The following RAPGEF5 variants were observed in gnomAD, a reference collection of about 807,000 sequenced individuals.
The protein encoded by RAPGEF5 is M-Ras-regulated GEF.
Under a neutral mutation model 125.2 loss-of-function variants are expected in RAPGEF5, and 65 were observed. That is an observed-to-expected ratio of 0.52 (90% confidence interval 0.43 to 0.64). RAPGEF5 has a LOEUF of 0.64. Among genes scored for constraint, RAPGEF5 ranks in the 30% least tolerant of loss-of-function variants. The pLI is 0.00. For missense variants in RAPGEF5, 958 were observed against 1,048.1 expected (o/e 0.91, Z 1.19); for synonymous variants, 391 against 385.9 (o/e 1.01, Z -0.16).
At chr7:22,354,932 A>G (rs945523094) in intron 1 of RAPGEF5, among the ~76,000 whole-genome samples, 29 of 152,178 alleles carry the variant, frequency 1.9e-4, no homozygotes, top group African/African-American at 7.0e-4. Context: ...ACAAGTTCAT[A>G]TTTCACTTGT....
chr7:22,178,342 T>G (rs1232762291), intron 11 of RAPGEF5, among the ~76,000 whole-genome samples: 1 of 152,180 alleles, frequency 6.6e-6, no homozygotes, highest in Non-Finnish European at 1.5e-5. Flanking sequence ...CAACTGAGTT[T>G]CCTATAATTC....
At chr7:22,190,862 G>A (rs909792302) in intron 11 of RAPGEF5, among the ~76,000 whole-genome samples, 8 of 152,102 alleles carry the variant, frequency 5.3e-5, no homozygotes, top group African/African-American at 1.7e-4. Context: ...TTTCTCCCAT[G>A]GACCCTCTCC....
chr7:22,272,349 A>AC (rs1417911418), intron 6 of RAPGEF5, among the ~76,000 whole-genome samples: 3 of 144,420 alleles, frequency 2.1e-5, no homozygotes, highest in Non-Finnish European at 3.1e-5. Flanking sequence ...TCTCAAAAAA[A>AC]AAAAAAAAAA....
chr7:22,184,191 T>C (rs1267192056), intron 11 of RAPGEF5, among the ~76,000 whole-genome samples: 3 of 152,206 alleles, frequency 2.0e-5, no homozygotes, highest in Non-Finnish European at 4.4e-5. Context: ...TAAATAAATA[T>C]ACATATACAT....
intron 9 of RAPGEF5, among the ~76,000 whole-genome samples, chr7:22,215,939 T>G: frequency 6.6e-6 from 1 of 152,218 alleles, no homozygotes; most frequent in Non-Finnish European, 1.5e-5. Flanking sequence ...GGAAATGGCT[T>G]ACATAGCTTT....
At chr7:22,316,810 A>T (rs1783609512) in intron 2 of RAPGEF5, among the ~76,000 whole-genome samples, 1 of 151,784 alleles carries the variant, frequency 6.6e-6, no homozygotes, top group African/African-American at 2.4e-5. Flanking sequence ...AAAATTTGAC[A>T]TCTTCTCTCA....
intron 7 of RAPGEF5, among the ~76,000 whole-genome samples, chr7:22,235,517 T>C (rs761436144): frequency 2.0e-5 from 3 of 152,182 alleles, no homozygotes; most frequent in Admixed American, 6.5e-5. Context: ...ATAGGAAGAA[T>C]AGAAAAATAA....
intron 1 of RAPGEF5, among the ~76,000 whole-genome samples, chr7:22,327,669 T>C (rs1783839935): frequency 6.6e-6 from 1 of 152,254 alleles, no homozygotes; most frequent in Non-Finnish European, 1.5e-5. Flanking sequence ...GACAAGTTAT[T>C]TAACTTCTTT....
rs748331370 is a variant in RAPGEF5, at chr7:22,167,113, C to T, written c.1240G>A (p.Val414Ile). 1 of 1,612,304 alleles carries T rather than the reference C, an allele frequency of 6.2e-7. No homozygotes were observed. Among genetic ancestry groups the T allele is most frequent in the Non-Finnish European group, 8.5e-7 (1 of 1,179,270 alleles). Reference sequence around the variant, plus strand: ...CACAAGTCATCAGTTGTCATGAAGACAGTGTACGTGAGAAGGAAGTCATCC... The same window carrying T: ...CACAAGTCATCAGTTGTCATGAAGATAGTGTACGTGAGAAGGAAGTCATCC... ...LLDDFLLTYTVFMTTDDLCQA... is the reference protein window; with the variant it reads ...LLDDFLLTYTIFMTTDDLCQA... The change falls in exon 12 of 26, where the codon GTC becomes ATC. Residue 414 changes from valine to isoleucine, a missense_variant. Val to Ile is a conservative substitution (Grantham distance 29). Transcript: ENST00000665637.
intron 7 of RAPGEF5, among the ~76,000 whole-genome samples, chr7:22,264,988 CT>C (rs1215848362): frequency 6.6e-6 from 1 of 151,928 alleles, no homozygotes; most frequent in Admixed American, 6.6e-5. Flanking sequence ...TTTAGAGTTA[CT>C]TTTTTGATAA....
At chr7:22,325,879 A>T (rs188395734) in intron 1 of RAPGEF5, among the ~76,000 whole-genome samples, 208 of 152,304 alleles carry the variant, frequency 1.4e-3, no homozygotes, top group African/African-American at 4.7e-3. Flanking sequence ...ATACTGAATG[A>T]TTTATGAGCT....
chr7:22,228,294 C>T lies in RAPGEF5; in HGVS notation c.870+2552G>A, dbSNP rs138472880. The stretch of plus-strand genomic sequence containing the variant: ...GTTTCAGACCTGGCCCCGTCCCTTA[C>T]CGGCACATCTATAAAGTGGTAGTAA... On this transcript the variant is annotated intron_variant, in intron 8 of 25. Transcript: ENST00000665637. 7.9e-5 allele frequency among the ~76,000 whole-genome samples: 12 copies of T among 152,286 alleles called. 1 individual carries two copies. The East Asian group carries it at 2.3e-3, about 29-fold the overall frequency.
At chr7:22,169,263 C>T (rs148959983) in intron 11 of RAPGEF5, among the ~76,000 whole-genome samples, 192 of 152,240 alleles carry the variant, frequency 1.3e-3, no homozygotes, top group South Asian at 0.012. Context: ...GAACAAGGCA[C>T]GGGAAGGTTT....
At chr7:22,147,079 C>G in intron 18 of RAPGEF5, 60 bp from the exon 19 acceptor site, 5 of 1,578,074 alleles carry the variant, frequency 3.2e-6, no homozygotes, top group Non-Finnish European at 4.3e-6. Context: ...ACTGCATTGG[C>G]TGGCTGTAGA....
chr7:22,245,937 G>A (rs1247741394), intron 7 of RAPGEF5, among the ~76,000 whole-genome samples: 1 of 152,018 alleles, frequency 6.6e-6, no homozygotes, highest in East Asian at 1.9e-4. Flanking sequence ...CACCAATAAT[G>A]TTCAGGAAGA....
chr7:22,301,411 C>T (rs2528646), intron 5 of RAPGEF5, among the ~76,000 whole-genome samples: 56,768 of 151,780 alleles, frequency 0.37, 11,150 homozygotes, highest in African/African-American at 0.49. Context: ...GTCAGGAGAT[C>T]GAGACCATCC....
chr7:22,161,895 CTG>C (rs987904342), intron 13 of RAPGEF5, among the ~76,000 whole-genome samples: 20 of 152,116 alleles, frequency 1.3e-4, no homozygotes, highest in African/African-American at 4.6e-4. Context: ...AGATAATCAT[CTG>C]TGTTGAAAAG....
chr7:22,158,836 G>A (rs1280974577), intron 14 of RAPGEF5, among the ~76,000 whole-genome samples: 1 of 152,134 alleles, frequency 6.6e-6, no homozygotes, highest in Non-Finnish European at 1.5e-5. Context: ...ATGTTGCCCA[G>A]GGTAGTCTTA....
intron 7 of RAPGEF5, among the ~76,000 whole-genome samples, chr7:22,242,295 G>A (rs1461717342): frequency 3.9e-5 from 6 of 152,240 alleles, no homozygotes; most frequent in Admixed American, 3.9e-4. Context: ...TTTTTCCTGA[G>A]TAGCTCTTCT....
Sources: allele counts gnomAD v4.1 joint callset (sites outside exome capture counted in the v4.1 genomes callset), GRCh38; gene constraint gnomAD v4.1.1; transcripts MANE v1.5; gene names NCBI Gene and HGNC (gene_info 2026-07-23, HGNC 2026-07-21).